Variants in NWD2 observed in about 807,000 individuals in gnomAD.
The protein encoded by NWD2 is NACHT and WD repeat domain-containing protein 2.
NWD2 carries 37 observed loss-of-function variants against 132.7 expected under a neutral mutation model. The ratio of observed to expected loss-of-function variants is 0.28; its 90% CI spans 0.21 to 0.37. NWD2 has a LOEUF of 0.37. Ranked by LOEUF, NWD2 falls within the 10% of genes least tolerant of loss-of-function variation. The pLI is 1.00. For missense variants in NWD2, 1,592 were observed against 2,122.4 expected (o/e 0.75, Z 4.91); for synonymous variants, 705 against 803.0 (o/e 0.88, Z 2.06).
intron 1 of NWD2, among the ~76,000 whole-genome samples, chr4:37,293,481 A>T (rs1008939311): frequency 6.6e-6 from 1 of 152,224 alleles, no homozygotes; most frequent in Non-Finnish European, 1.5e-5. Flanking sequence ...TATGGAAATT[A>T]TTTTATACCT....
chr4:37,292,004 G>A (rs184911311), intron 1 of NWD2, among the ~76,000 whole-genome samples: 1 of 152,240 alleles, frequency 6.6e-6, no homozygotes, highest in Admixed American at 6.5e-5. Context: ...CACTTTGAGA[G>A]GGTTAATTAT....
chr4:37,428,916 G>C (rs1712082462), intron 3 of NWD2, among the ~76,000 whole-genome samples: 2 of 152,092 alleles, frequency 1.3e-5, no homozygotes, highest in Non-Finnish European at 2.9e-5. Flanking sequence ...ATTTTTAGTA[G>C]AGACAGGGTT....
intron 1 of NWD2, among the ~76,000 whole-genome samples, chr4:37,303,286 T>C (rs1169922900): frequency 6.6e-6 from 1 of 152,182 alleles, no homozygotes; most frequent in Non-Finnish European, 1.5e-5. Context: ...TTCTGGGAGC[T>C]GAAATTCTGT....
intron 1 of NWD2, among the ~76,000 whole-genome samples, chr4:37,276,095 A>C (rs1718006259): frequency 6.6e-6 from 1 of 152,218 alleles, no homozygotes; most frequent in Non-Finnish European, 1.5e-5. Context: ...CAACATTGAC[A>C]AATGGGATCT....
intron 2 of NWD2, among the ~76,000 whole-genome samples, chr4:37,348,675 T>TATACACACAC (rs1308407988): frequency 1.8e-4 from 4 of 22,574 alleles, no homozygotes; most frequent in African/African-American, 3.6e-4. Context: ...TATATATATA[T>TATACACACAC]ACACACACAC....
chr4:37,248,454 T>C (rs547318927), intron 1 of NWD2, among the ~76,000 whole-genome samples: 1 of 152,206 alleles, frequency 6.6e-6, no homozygotes, highest in Non-Finnish European at 1.5e-5. Flanking sequence ...GGTGATAGCA[T>C]TATCCCAGAT....
At chr4:37,325,245 G>A (rs1719145680) in intron 1 of NWD2, among the ~76,000 whole-genome samples, 6 of 152,086 alleles carry the variant, frequency 3.9e-5, no homozygotes, top group Admixed American at 3.9e-4. Flanking sequence ...TTTTCTTAAT[G>A]ACAGGAGATA....
intron 3 of NWD2, among the ~76,000 whole-genome samples, chr4:37,394,330 G>C (rs1720736537): frequency 6.6e-6 from 1 of 152,322 alleles, no homozygotes; most frequent in East Asian, 1.9e-4. Flanking sequence ...TTTTGCAAGG[G>C]AGATAATGAA....
intron 4 of NWD2, among the ~76,000 whole-genome samples, chr4:37,431,056 A>G (rs913113517): frequency 2.0e-5 from 3 of 152,206 alleles, no homozygotes; most frequent in African/African-American, 4.8e-5. Context: ...ACCCTGTTAC[A>G]CTGTTGGTGG....
chr4:37,245,718 C>A (rs1285628724), intron 1 of NWD2, among the ~76,000 whole-genome samples: 2 of 152,100 alleles, frequency 1.3e-5, no homozygotes, highest in African/African-American at 4.8e-5. Context: ...CGATGGTGCC[C>A]TTTGCAGAGG....
At position 37,244,935 on chromosome 4, in the gene NWD2, G is replaced by C. The variant is rs1577641907; in HGVS notation, c.-133G>C. On this transcript the variant is annotated 5_prime_UTR_variant, in exon 1 of 7. Transcript: ENST00000309447. This position sits in a 1 kb window ranked among gnomAD's most constrained non-coding sequence, Gnocchi z 5.5. Reference sequence around the variant, plus strand: ...CCACGGAGCTCGCCAAAGGCGCTTCGGGCTCGGAGCGGCTCTGAGCCGCGC... The same window carrying C: ...CCACGGAGCTCGCCAAAGGCGCTTCCGGCTCGGAGCGGCTCTGAGCCGCGC... 4 of 1,219,622 alleles carry C rather than the reference G, an allele frequency of 3.3e-6. No homozygotes were observed. Among genetic ancestry groups the C allele is most frequent in the Non-Finnish European group, 4.4e-6 (4 of 905,310 alleles). 75.6% of individuals were successfully genotyped at this position (1,219,622 alleles called of 1,614,324 possible).
At chr4:37,249,918 T>C (rs1464808124) in intron 1 of NWD2, among the ~76,000 whole-genome samples, 4 of 152,202 alleles carry the variant, frequency 2.6e-5, no homozygotes, top group African/African-American at 7.2e-5. Flanking sequence ...GCAAGAGACA[T>C]GCTTTCCCTT....
chr4:37,328,404 C>T (rs929766170), intron 2 of NWD2, among the ~76,000 whole-genome samples: 7 of 151,824 alleles, frequency 4.6e-5, no homozygotes, highest in Non-Finnish European at 8.8e-5. Context: ...TAGCCCCCCA[C>T]CCCCAGCAGG....
At chr4:37,430,848 G>A in intron 4 of NWD2, 73 bp downstream of exon 4, 1 of 1,354,764 alleles carries the variant, frequency 7.4e-7, no homozygotes, top group Non-Finnish European at 1.0e-6. Context: ...CATCCGGGGT[G>A]GTGCTGCACA....
chr4:37,399,487 G>A (rs1321864789), intron 3 of NWD2, among the ~76,000 whole-genome samples: 1 of 152,186 alleles, frequency 6.6e-6, no homozygotes, highest in African/African-American at 2.4e-5. Flanking sequence ...GAATTAAAAT[G>A]ATGAAGGATT....
chr4:37,345,372 G>A (rs1456965914), intron 2 of NWD2, among the ~76,000 whole-genome samples: 2 of 152,090 alleles, frequency 1.3e-5, no homozygotes, highest in African/African-American at 2.4e-5. Context: ...CCACATTCTT[G>A]CCAACACTTG....
At chr4:37,299,675 A>C (rs12650229) in intron 1 of NWD2, among the ~76,000 whole-genome samples, 23,560 of 152,114 alleles carry the variant, frequency 0.15, 2,349 homozygotes, top group South Asian at 0.33. Flanking sequence ...TAAGTGAAGG[A>C]CTTGCTGATT....
At chr4:37,363,700 T>C (rs760567850) in intron 3 of NWD2, among the ~76,000 whole-genome samples, 9 of 152,164 alleles carry the variant, frequency 5.9e-5, no homozygotes, top group African/African-American at 9.7e-5. Context: ...TTGAAAACTA[T>C]TGGGTACTAT....
chr4:37,340,380 G>T (rs930063680), intron 2 of NWD2, among the ~76,000 whole-genome samples: 10 of 152,160 alleles, frequency 6.6e-5, no homozygotes, highest in Non-Finnish European at 1.5e-4. Context: ...GCAGATTAAG[G>T]TAGTTTCTCC....
Sources: gnomAD v4.1 joint callset for allele counts (sites outside exome capture counted in the v4.1 genomes callset) on GRCh38, gnomAD v4.1.1 for gene constraint, Gnocchi (gnomAD v3.1) non-coding constraint, MANE v1.5 for transcripts, NCBI Gene and HGNC (gene_info 2026-07-23, HGNC 2026-07-21) for gene names.